The following VPS29 variants were observed in gnomAD, a reference collection of about 807,000 sequenced individuals.
The protein encoded by VPS29 is vacuolar protein sorting-associated protein 29.
Under a neutral mutation model 20.0 loss-of-function variants are expected in VPS29, and 2 were observed. The ratio of observed to expected loss-of-function variants is 0.10; its 90% CI spans 0.04 to 0.31. The LOEUF is 0.31. Among genes scored for constraint, VPS29 ranks in the 10% least tolerant of loss-of-function variants. The pLI, the probability that VPS29 is intolerant of heterozygous loss-of-function variation, is 1.00. For synonymous variants in VPS29, 81 were observed against 79.3 expected, an observed-to-expected ratio of 1.02 and a Z score of -0.12; for missense variants, 120 against 215.3, an observed-to-expected ratio of 0.56 and a Z score of 2.77.
intron 3 of VPS29, 24 bp from the exon 4 acceptor site, chr12:110,492,146 C>A: frequency 6.4e-7 from 1 of 1,550,840 alleles, no homozygotes; most frequent in South Asian, 1.1e-5. Context: ...TAAATAATGT[C>A]AGTGTTTTGT....
chr12:110,493,464 A>G (rs773333316), intron 2 of VPS29, among the ~76,000 whole-genome samples: 2 of 151,810 alleles, frequency 1.3e-5, no homozygotes, highest in African/African-American at 2.4e-5. Flanking sequence ...GGTTCAAGCA[A>G]TTCTCCTGTC....
chr12:110,502,103 A>T lies in VPS29; in HGVS notation c.-52T>A, dbSNP rs373227607. 4 of 1,593,664 alleles carry T rather than the reference A, an allele frequency of 2.5e-6. No individual in the cohort carries two copies. The South Asian group carries it at 4.4e-5, about 18-fold the overall frequency. On this transcript the variant is annotated 5_prime_UTR_variant, in exon 1 of 4. Transcript: ENST00000549578. ...CACCACCGTCGCCGCCCTCTTCCTC[A>T]GGCTCCTCGGCGACCCGCCCACTTA...
At chr12:110,498,996 GT>G (rs932891747) in intron 1 of VPS29, 2 of 210,732 alleles carry the variant, frequency 9.5e-6, no homozygotes, top group Non-Finnish European at 1.6e-5. Flanking sequence ...AAGGGTATAT[GT>G]CTACAACAGG....
chr12:110,501,719 G>A (rs368812706), intron 1 of VPS29: 26 of 1,264,384 alleles, frequency 2.1e-5, no homozygotes, highest in Middle Eastern at 1.8e-4. Flanking sequence ...CCCTATCCCC[G>A]GAACATTCGA....
At chr12:110,497,207 CTTTTTTTTTTTTT>C (rs71083128) in intron 1 of VPS29, among the ~76,000 whole-genome samples, 5 of 77,214 alleles carry the variant, frequency 6.5e-5, no homozygotes, top group East Asian at 4.3e-4. Flanking sequence ...AAATTTCTTT[CTTTTTTTTTTTTT>C]TTTTTTTTTT....
At chr12:110,492,205 A>C in intron 3 of VPS29, 83 bp from the exon 4 acceptor site, 1 of 1,071,354 alleles carries the variant, frequency 9.3e-7, no homozygotes. Context: ...GACTATTTGG[A>C]TTCAGAGAAA....
chr12:110,493,676 T>C (rs2062854689), intron 2 of VPS29, among the ~76,000 whole-genome samples: 1 of 152,180 alleles, frequency 6.6e-6, no homozygotes, highest in Non-Finnish European at 1.5e-5. Context: ...TTTATAAATA[T>C]TTTATTTCTT....
chr12:110,501,778 C>T, intron 1 of VPS29: 2 of 1,076,304 alleles, frequency 1.9e-6, no homozygotes, highest in Non-Finnish European at 2.7e-6. Flanking sequence ...TGTCTCGTGA[C>T]AGGTCGGGCT....
chr12:110,499,404 A>G (rs2062958250), intron 1 of VPS29: 1 of 1,328,534 alleles, frequency 7.5e-7, no homozygotes, highest in Non-Finnish European at 1.0e-6. Context: ...AAATTAAAAT[A>G]AAGAGCCAAC....
At chr12:110,495,929 G>T in intron 2 of VPS29, 83 bp downstream of exon 2, 2 of 1,284,456 alleles carry the variant, frequency 1.6e-6, no homozygotes, top group Non-Finnish European at 2.1e-6. Flanking sequence ...TACCAGTTGA[G>T]AAACCCTGGT....
intron 2 of VPS29, among the ~76,000 whole-genome samples, chr12:110,493,684 C>A (rs1041214585): frequency 6.6e-6 from 1 of 152,102 alleles, no homozygotes; most frequent in Non-Finnish European, 1.5e-5. Context: ...TATTTTATTT[C>A]TTCTTGGTCT....
At chr12:110,492,227 T>C (rs2062827164) in intron 3 of VPS29, 105 bp from the exon 4 acceptor site, 2 of 889,054 alleles carry the variant, frequency 2.2e-6, no homozygotes, top group African/African-American at 1.7e-5. Flanking sequence ...CTGTTACATA[T>C]CACATGAACA....
chr12:110,500,324 T>C (rs1414776594), intron 1 of VPS29, among the ~76,000 whole-genome samples: 1 of 152,206 alleles, frequency 6.6e-6, no homozygotes, highest in African/African-American at 2.4e-5. Flanking sequence ...TTCTATTTCA[T>C]ATGAAAAATG....
intron 3 of VPS29, among the ~76,000 whole-genome samples, chr12:110,492,438 C>T (rs374887777): frequency 6.6e-6 from 1 of 151,734 alleles, no homozygotes; most frequent in Non-Finnish European, 1.5e-5. Context: ...GGCGTGGTGG[C>T]GGGTACCTAT....
Position 110,496,208 on chromosome 12 carries a change from A to C in VPS29, c.4-5T>G. 1 of 1,597,710 alleles carries C rather than the reference A, an allele frequency of 6.3e-7. No homozygotes were observed. Among genetic ancestry groups the C allele is most frequent in the Non-Finnish European group, 8.6e-7 (1 of 1,167,184 alleles). On this transcript the variant is annotated splice_region_variant and splice_polypyrimidine_tract_variant and intron_variant, in intron 1 of 3. Transcript: ENST00000549578. Reference sequence around the variant, plus strand: ...ATCTCCTAATACCAACACCAACTTTAAAGTGTCAAGGTGAGATAAAGCATA... The same window carrying C: ...ATCTCCTAATACCAACACCAACTTTCAAGTGTCAAGGTGAGATAAAGCATA...
At chr12:110,493,869 G>A (rs990023371) in intron 2 of VPS29, among the ~76,000 whole-genome samples, 27 of 152,236 alleles carry the variant, frequency 1.8e-4, no homozygotes, top group Non-Finnish European at 3.5e-4. Context: ...AAGTTAGGGT[G>A]TGTTCAAATT....
Position 110,494,857 on chromosome 12 carries a change from C to T in VPS29, c.195+1155G>A, listed in dbSNP as rs375305964. 6.6e-5 allele frequency among the ~76,000 whole-genome samples: 10 copies of T among 152,152 alleles called. No individual in the cohort carries two copies. The East Asian group carries it at 7.8e-4, about 12-fold the overall frequency. On this transcript the variant is annotated intron_variant, in intron 2 of 3. Transcript: ENST00000549578. ...GCCTCAGCCTCCCAAGTAGCTGGGACGACAGGCGCCCAGCACCACACCTGG... is the reference window on the plus strand; with the variant it reads ...GCCTCAGCCTCCCAAGTAGCTGGGATGACAGGCGCCCAGCACCACACCTGG...
At chr12:110,493,919 A>C (rs2062857959) in intron 2 of VPS29, among the ~76,000 whole-genome samples, 1 of 152,164 alleles carries the variant, frequency 6.6e-6, no homozygotes, top group Non-Finnish European at 1.5e-5. Flanking sequence ...AGATAGCTTA[A>C]AATAATGAGA....
chr12:110,498,199 T>C (rs2062939618), intron 1 of VPS29, among the ~76,000 whole-genome samples: 1 of 152,134 alleles, frequency 6.6e-6, no homozygotes, highest in South Asian at 2.1e-4. Flanking sequence ...CTCCAACATC[T>C]GACCTCAGGT....
Sources: gnomAD v4.1 joint callset for allele counts (sites outside exome capture counted in the v4.1 genomes callset) on GRCh38, gnomAD v4.1.1 for gene constraint, MANE v1.5 for transcripts, NCBI Gene and HGNC (gene_info 2026-07-23, HGNC 2026-07-21) for gene names.